SCRIB: variants seen among roughly 807,000 people sequenced by gnomAD.
SCRIB encodes the protein scribble planar cell polarity protein.
A neutral mutation model predicts 170.0 loss-of-function variants in SCRIB; 72 were observed. The observed-to-expected ratio is 0.42, with a 90% confidence interval of 0.35 to 0.52. The LOEUF is 0.52. SCRIB is among the 20% of genes least tolerant of loss of function. SCRIB has a pLI of 0.02. For synonymous variants in SCRIB, 1,298 were observed against 1,044.3 expected (o/e 1.24, Z -4.68); for missense variants, 2,475 against 2,338.5 (o/e 1.06, Z -1.20).
At chr8:143,809,117 C>T (rs1185481642) in intron 14 of SCRIB, 92 bp from the exon 15 acceptor site, 20 of 1,445,790 alleles carry the variant, frequency 1.4e-5, no homozygotes, top group East Asian at 1.2e-4. Context: ...AGACGGGCTC[C>T]GAAAGCCTCC....
Position 143,803,547 on chromosome 8 carries a change from G to A in SCRIB, c.3439C>T (p.Arg1147Cys), listed in dbSNP as rs782244284. 102 of 1,563,060 alleles carry A rather than the reference G, an allele frequency of 6.5e-5. No homozygotes were observed. The highest frequency in any genetic ancestry group is 7.8e-5 in the South Asian group (7 of 90,086). Residue 1147 changes from arginine (R) to cysteine (C), a missense_variant, in exon 24 of 37, where the codon CGC (arginine) becomes TGC (cysteine). Arg to Cys is a radical substitution (Grantham distance 180). Transcript: ENST00000356994. ...AAACCCACACGCAGCCGACCGTCGC[G>A]CCCGGCTGCCCCCGTGGGGCTCACC... Reference protein sequence around the residue: ...SKVSPTGAAGRDGRLRVGLRL... With the variant: ...SKVSPTGAAGCDGRLRVGLRL...
intron 24 of SCRIB, 60 bp downstream of exon 24, chr8:143,803,323 G>T: frequency 6.9e-7 from 1 of 1,450,786 alleles, no homozygotes; most frequent in Non-Finnish European, 9.1e-7. Flanking sequence ...GGTGTCAGCG[G>T]CTCACAACAC....
At chr8:143,795,392 G>C in intron 25 of SCRIB, 28 bp downstream of exon 25, 1 of 1,612,596 alleles carries the variant, frequency 6.2e-7, no homozygotes, top group African/African-American at 1.3e-5. Flanking sequence ...CCCTGGCCCT[G>C]GGGCTGCCGG....
chr8:143,813,914 A>C lies in SCRIB; in HGVS notation c.278-18T>G. 2 of 1,605,488 alleles carry C rather than the reference A, an allele frequency of 1.2e-6. No individual in the cohort carries two copies. The highest frequency in any genetic ancestry group is 1.7e-6 in the Non-Finnish European group (2 of 1,174,274). The stretch of plus-strand genomic sequence containing the variant: ...AGGGATATCTGTCACAGAGGGTCAC[A>C]GTGGACAGATGCCATGGCCTGCAGG... On this transcript the variant is annotated intron_variant, in intron 2 of 36. Coordinates refer to ENST00000356994, the MANE Select transcript of SCRIB (RefSeq NM_182706.5).
chr8:143,811,048 G>A lies in SCRIB; in HGVS notation c.1131C>T (p.Leu377=). 1 of 1,612,188 alleles carries A rather than the reference G, an allele frequency of 6.2e-7. No homozygotes were observed. Among genetic ancestry groups the A allele is most frequent in the Non-Finnish European group, 8.5e-7 (1 of 1,179,578 alleles). The change falls in exon 11 of 37, where the codon CTC becomes CTT. Residue 377 remains leucine (L), a synonymous_variant. Transcript: ENST00000356994. ...ACAGGGCCTTGAGATTGAGGTGGGT[G>A]AGCGCGAACGGCAGACTCTGCAGGC... ...GNRLQSLPFA[L]THLNLKALWL... is the part of the protein sequence containing the mutation.
rs377615238 is a variant in SCRIB at position 143,793,893 on chromosome 8, C to T, written c.3909+7G>A. The T allele has an allele frequency of 1.2e-6, 2 of 1,612,958 alleles. No individual in the cohort carries two copies. Among genetic ancestry groups the T allele is most frequent in the Non-Finnish European group, 1.7e-6 (2 of 1,179,456 alleles). ...ATGGGGCACACCCGTTAACTTGGGACACTCACCTGCTGGCCACTAGGGGAG... is the reference window on the plus strand; with the variant it reads ...ATGGGGCACACCCGTTAACTTGGGATACTCACCTGCTGGCCACTAGGGGAG... On this transcript the variant is annotated splice_region_variant and intron_variant, in intron 28 of 36. Coordinates refer to ENST00000356994, the MANE Select transcript of SCRIB (RefSeq NM_182706.5).
chr8:143,815,693 G>A lies in SCRIB; in HGVS notation c.-321C>T, dbSNP rs1231785558. ...CGCCCGCTCGTCCGCCCGCTGTGCCGCACCGGAACCGCCGCTGCCCGCCGG... is the reference window on the plus strand; with the variant it reads ...CGCCCGCTCGTCCGCCCGCTGTGCCACACCGGAACCGCCGCTGCCCGCCGG... On this transcript the variant is annotated 5_prime_UTR_variant, in exon 1 of 37. Coordinates refer to ENST00000356994, the MANE Select transcript of SCRIB (RefSeq NM_182706.5). 4.1e-6 allele frequency: 4 copies of A among 983,188 alleles called. No homozygotes were observed. Among genetic ancestry groups the A allele is most frequent in the Non-Finnish European group, 4.8e-6 (4 of 829,086 alleles). The allele number at this position is 983,188 out of a possible 1,614,324, so 60.9% of individuals were successfully genotyped here.
chr8:143,792,973 C>A lies in SCRIB; in HGVS notation c.4017+3G>T, dbSNP rs1554633330. Reference sequence around the variant, plus strand: ...AGCAGGGAGGCGTGCTGCCCCCACACACCTGGGCAGGGGCATCCTCAGGCG... The same window carrying A: ...AGCAGGGAGGCGTGCTGCCCCCACAAACCTGGGCAGGGGCATCCTCAGGCG... On this transcript the variant is annotated splice_donor_region_variant and intron_variant, in intron 29 of 36. Transcript: ENST00000356994. 4.0e-6 allele frequency: 6 copies of A among 1,503,942 alleles called. No individual in the cohort carries two copies. Among genetic ancestry groups the A allele is most frequent in the Non-Finnish European group, 5.3e-6 (6 of 1,126,622 alleles). The allele number at this position is 1,503,942 out of a possible 1,614,324, so 93.2% of individuals were successfully genotyped here.
At chr8:143,798,192 G>C (rs1262316731) in intron 24 of SCRIB, among the ~76,000 whole-genome samples, 1 of 152,064 alleles carries the variant, frequency 6.6e-6, no homozygotes, top group Non-Finnish European at 1.5e-5. Flanking sequence ...GGAGGTGGAG[G>C]TTGCAATGAG....
At position 143,791,889 on chromosome 8, in the gene SCRIB, G is replaced by A; in HGVS notation, c.4682C>T (p.Ser1561Phe). 1 of 1,528,802 alleles carries A rather than the reference G, an allele frequency of 6.5e-7. No homozygotes were observed. 94.7% of individuals were successfully genotyped at this position (1,528,802 alleles called of 1,614,324 possible). ...CCGGCTCCTCACCAGGCGTCCCGGG[G>A]AGGTGCTGGTCTGGGGGCCGAGGTC... Reference protein sequence around the residue: ...VEDLGPQTSTSPGRLPLSGKK... With the variant: ...VEDLGPQTSTFPGRLPLSGKK... Residue 1561 changes from serine (S) to phenylalanine (F), a missense_variant, in exon 34 of 37, where the codon TCC becomes TTC. Around this residue, in one of 3 missense-constraint regions of SCRIB, gnomAD observed 1,966 missense variants for 1,742.9 expected, o/e 1.13. Coordinates refer to ENST00000356994, the MANE Select transcript of SCRIB (RefSeq NM_182706.5).
Position 143,813,525 on chromosome 8 carries a change from G to C in SCRIB, c.448C>G (p.Leu150Val). The change falls in exon 5 of 37, where the codon CTC becomes GTC. Residue 150 changes from leucine to valine, a missense_variant and splice_region_variant. Coordinates refer to ENST00000356994, the MANE Select transcript of SCRIB (RefSeq NM_182706.5). The part of the protein sequence containing the change: ...LQALPGDVGN[L>V]ANLVTLELRE... ...AGCTCCAGGGTCACCAGGTTGGCGA[G>C]GCTGAAAGAGAGACCAGGCGCTGGG... 1 of 1,613,288 alleles carries C rather than the reference G, an allele frequency of 6.2e-7. No individual in the cohort carries two copies. Among genetic ancestry groups the C allele is most frequent in the Non-Finnish European group, 8.5e-7 (1 of 1,179,994 alleles).
chr8:143,791,205 G>A lies in SCRIB; in HGVS notation c.4926C>T (p.Pro1642=), dbSNP rs536802666. The change falls in exon 37 of 37, where the codon CCC becomes CCT. Residue 1642 remains proline, a synonymous_variant. Coordinates refer to ENST00000356994, the MANE Select transcript of SCRIB (RefSeq NM_182706.5). The stretch of plus-strand genomic sequence containing the variant: ...CCAGGCCACGGCGCCCAGGCCTTAC[G>A]GGGCGGCGGCTGCTGCACAGTGCCA... ...EDVALCSSRR[P]VRPGRRGLGP... 5.7e-5 allele frequency: 83 copies of A among 1,445,720 alleles called. No individual in the cohort carries two copies. The East Asian group carries it at 1.6e-3, about 28-fold the overall frequency. The allele number at this position is 1,445,720 out of a possible 1,614,324, so 89.6% of individuals were successfully genotyped here. A position where few individuals can be genotyped will look rare whatever the true frequency, so the allele number is the denominator to read the frequency against.
chr8:143,792,764 G>C lies in SCRIB; in HGVS notation c.4121C>G (p.Pro1374Arg). The C allele has an allele frequency of 6.3e-7, 1 of 1,588,822 alleles. No individual in the cohort carries two copies. Among genetic ancestry groups the C allele is most frequent in the Non-Finnish European group, 8.5e-7 (1 of 1,170,504 alleles). ...AGCACCCACCAGGGACACGCGCTTA[G>C]GGGGGCCCTCGGCCTGGGGCACGCG... ...EVRVPQAEGP[P>R]KRVSLVGADD... Residue 1374 changes from proline (P) to arginine (R), a missense_variant, in exon 30 of 37, where the codon CCT becomes CGT. By Grantham distance (103) the Pro-to-Arg change is moderately radical. Coordinates refer to ENST00000356994, the MANE Select transcript of SCRIB (RefSeq NM_182706.5).
rs868798656 is a variant in SCRIB, at chr8:143,815,469, G to C, written c.-97C>G. The C allele has an allele frequency of 2.8e-6, 3 of 1,070,508 alleles. No individual in the cohort carries two copies. Among genetic ancestry groups the C allele is most frequent in the Middle Eastern group, 4.1e-4 (1 of 2,428 alleles). 66.3% of individuals were successfully genotyped at this position (1,070,508 alleles called of 1,614,324 possible). On this transcript the variant is annotated 5_prime_UTR_variant, in exon 1 of 37. Coordinates refer to ENST00000356994, the MANE Select transcript of SCRIB (RefSeq NM_182706.5). The stretch of plus-strand genomic sequence containing the variant: ...CGCATGGGCGCCGCGCATGGGGAGG[G>C]GGCGCAGGCAGGGGGCGGGCCGCCC...
chr8:143,796,566 G>C (rs539681525), intron 24 of SCRIB, among the ~76,000 whole-genome samples: 21 of 152,330 alleles, frequency 1.4e-4, no homozygotes, highest in Admixed American at 3.3e-4. Flanking sequence ...CACCACAGAA[G>C]ATGCTGTTTA....
chr8:143,804,540 G>C, intron 21 of SCRIB, 28 bp downstream of exon 21: 1 of 1,486,142 alleles, frequency 6.7e-7, no homozygotes, highest in Non-Finnish European at 8.9e-7. Context: ...AAGCTGGGTG[G>C]GTGCCTGGGT....
In SCRIB at chr8:143,808,673, T is replaced by C. The variant is rs750918829; in HGVS notation, c.2051A>G (p.Glu684Gly). ...CTCCTCCTCAGTGCTGGCCTCTTCC[T>C]CTTCAGCCCTGTTTTCCTCCTCCTC... is the stretch of plus-strand genomic sequence containing the variant. ...EEEEEENRAEEEEASTEEEDK... is the reference protein window; with the variant it reads ...EEEEEENRAEGEEASTEEEDK... The change falls in exon 15 of 37, where the codon GAG (glutamate) becomes GGG (glycine). Residue 684 changes from glutamate (E) to glycine (G), a missense_variant. Physicochemically the swap from Glu to Gly is moderately conservative, Grantham distance 98 (BLOSUM62 -2). Coordinates refer to ENST00000356994, the MANE Select transcript of SCRIB (RefSeq NM_182706.5). 1 of 1,536,502 alleles carries C rather than the reference T, an allele frequency of 6.5e-7. No individual in the cohort carries two copies. Among genetic ancestry groups the C allele is most frequent in the Admixed American group, 2.1e-5 (1 of 47,536 alleles).
At chr8:143,792,894 G>A (rs970431535) in intron 29 of SCRIB, 27 bp from the exon 30 acceptor site, 4 of 1,503,022 alleles carry the variant, frequency 2.7e-6, no homozygotes, top group Non-Finnish European at 3.5e-6. Flanking sequence ...TTGAGGTTTG[G>A]CTGGCATTCC....
At chr8:143,799,314 T>C (rs1815075654) in intron 24 of SCRIB, among the ~76,000 whole-genome samples, 1 of 152,196 alleles carries the variant, frequency 6.6e-6, no homozygotes, top group Non-Finnish European at 1.5e-5. Flanking sequence ...GAAAGGGCAG[T>C]CTCTTCTGAA....
Sources: gnomAD v4.1 joint callset for allele counts (sites outside exome capture counted in the v4.1 genomes callset) on GRCh38, gnomAD v4.1.1 for gene constraint, gnomAD v4.1.1 regional missense constraint, MANE v1.5 for transcripts, NCBI Gene and HGNC (gene_info 2026-07-23, HGNC 2026-07-21) for gene names.